Variants in TDRD3 observed in about 807,000 individuals in gnomAD.
The protein encoded by TDRD3 is tudor domain containing 3.
A neutral mutation model predicts 86.7 loss-of-function variants in TDRD3; 45 were observed. The ratio of observed to expected loss-of-function variants is 0.52; its 90% confidence interval spans 0.41 to 0.67. The LOEUF (loss-of-function observed/expected upper bound fraction) is 0.67, where lower values mean the gene tolerates loss of function less well. Ranked by LOEUF, TDRD3 falls within the 30% of genes least tolerant of loss-of-function variation. The pLI, the probability that TDRD3 is intolerant of heterozygous loss-of-function variation, is 0.00. For missense variants in TDRD3, 814 were observed against 889.0 expected (o/e 0.92, Z 1.07); for synonymous variants, 298 against 301.7 (o/e 0.99, Z 0.13).
At position 60,544,011 on chromosome 13, in the gene TDRD3, A is replaced by G. The variant is rs1255219520; in HGVS notation, c.2118+8778A>G. Among the ~76,000 whole-genome samples the G allele has an allele frequency of 4.8e-5, 7 of 146,784 alleles. No homozygotes were observed. In the South Asian group the frequency reaches 1.3e-3, roughly 27 times the overall value. ...TTACCTTATAACCTACATGAAGTTT[A>G]TATGTCCCAGCAGTGAGGTATTTTC... On this transcript the variant is annotated intron_variant, in intron 12 of 13. Coordinates refer to ENST00000377881, the MANE Select transcript of TDRD3 (RefSeq NM_001146070.2).
intron 3 of TDRD3, among the ~76,000 whole-genome samples, chr13:60,446,589 T>C (rs1664949734): frequency 6.6e-6 from 1 of 152,270 alleles, no homozygotes; most frequent in Admixed American, 6.5e-5. Flanking sequence ...GAATTAATAA[T>C]TGTCTTCACC....
At chr13:60,456,799 G>A (rs1373726585) in intron 3 of TDRD3, among the ~76,000 whole-genome samples, 1 of 152,098 alleles carries the variant, frequency 6.6e-6, no homozygotes, top group African/African-American at 2.4e-5. Flanking sequence ...AGGCTCAAGA[G>A]ATCCTGCCAT....
chr13:60,424,273 G>GACCTCGTGATCCACCCACCTCC (rs1954740615), intron 1 of TDRD3, among the ~76,000 whole-genome samples: 1 of 124,420 alleles, frequency 8.0e-6, no homozygotes, highest in Non-Finnish European at 1.7e-5. Flanking sequence ...CACCCACCTC[G>GACCTCGTGATCCACCCACCTCC]GCCTCCCAAA....
At chr13:60,477,953 GTTC>G (rs1214628423) in intron 5 of TDRD3, among the ~76,000 whole-genome samples, 1 of 152,150 alleles carries the variant, frequency 6.6e-6, no homozygotes, top group Non-Finnish European at 1.5e-5. Context: ...ATTGGTATCA[GTTC>G]TTCTTTGTAT....
rs1956423875 is a variant in TDRD3, at chr13:60,485,879, T to C, written c.648T>C (p.Pro216=). The C allele has an allele frequency of 3.7e-6, 6 of 1,611,080 alleles. No homozygotes were observed. The highest frequency in any genetic ancestry group is 5.1e-6 in the Non-Finnish European group (6 of 1,178,774). Residue 216 remains proline, a synonymous_variant, in exon 7 of 14, where the codon CCT becomes CCC. Transcript: ENST00000377881. ...KTLQVTMPVK[P]TNDNDEFEKQ... is the part of the protein sequence containing the mutation. Reference sequence around the variant, plus strand: ...TGCAAGTTACAATGCCTGTCAAACCTACAAATGATAATGATGAATTTGAAA... The same window carrying C: ...TGCAAGTTACAATGCCTGTCAAACCCACAAATGATAATGATGAATTTGAAA...
chr13:60,510,802 C>CTTTTTTTTT (rs370448567), intron 10 of TDRD3, 47 bp downstream of exon 10: 3 of 1,204,402 alleles, frequency 2.5e-6, no homozygotes, highest in Non-Finnish European at 2.1e-6. Context: ...TCTTTTCTTT[C>CTTTTTTTTT]TTTTTTTTTT....
At chr13:60,404,080 G>C (rs576411930) in intron 1 of TDRD3, among the ~76,000 whole-genome samples, 2 of 152,254 alleles carry the variant, frequency 1.3e-5, no homozygotes, top group African/African-American at 2.4e-5. Context: ...ACCCAGACTT[G>C]GGAAGGTTGG....
At chr13:60,562,934 A>G (rs902027406) in intron 12 of TDRD3, among the ~76,000 whole-genome samples, 1 of 152,224 alleles carries the variant, frequency 6.6e-6, no homozygotes, top group South Asian at 2.1e-4. Context: ...GAATGGTAAT[A>G]TAAGATAAAG....
chr13:60,518,042 T>C (rs1957211756), intron 10 of TDRD3, among the ~76,000 whole-genome samples: 1 of 152,262 alleles, frequency 6.6e-6, no homozygotes, highest in South Asian at 2.1e-4. Flanking sequence ...TCTCTGGATT[T>C]ACCTGCATTC....
chr13:60,454,763 A>G (rs1048282638), intron 3 of TDRD3, among the ~76,000 whole-genome samples: 2 of 151,932 alleles, frequency 1.3e-5, no homozygotes, highest in Admixed American at 6.6e-5. Flanking sequence ...GACATTGGGA[A>G]TGTTTCTGAA....
intron 1 of TDRD3, among the ~76,000 whole-genome samples, chr13:60,415,850 G>A (rs1296382953): frequency 2.6e-5 from 4 of 152,078 alleles, no homozygotes; most frequent in Admixed American, 6.5e-5. Context: ...AGAGATCAAG[G>A]CTCAAGCAAA....
At chr13:60,443,975 T>C (rs1955341963) in intron 2 of TDRD3, among the ~76,000 whole-genome samples, 1 of 151,950 alleles carries the variant, frequency 6.6e-6, no homozygotes, top group South Asian at 2.1e-4. Context: ...GACACAGTCG[T>C]AAAATATTCT....
chr13:60,508,131 A>C (rs1005747708), intron 8 of TDRD3, among the ~76,000 whole-genome samples: 1 of 152,222 alleles, frequency 6.6e-6, no homozygotes, highest in Non-Finnish European at 1.5e-5. Context: ...ATACAAACGA[A>C]TGGAAAAATA....
At chr13:60,412,371 C>T (rs1011287440) in intron 1 of TDRD3, among the ~76,000 whole-genome samples, 2 of 152,078 alleles carry the variant, frequency 1.3e-5, no homozygotes, top group African/African-American at 4.8e-5. Flanking sequence ...TAATATTCTT[C>T]TACTTTTTAA....
chr13:60,504,139 G>C (rs555953340), intron 8 of TDRD3, among the ~76,000 whole-genome samples: 34 of 152,060 alleles, frequency 2.2e-4, no homozygotes, highest in African/African-American at 7.7e-4. Flanking sequence ...TTACCTCTAG[G>C]TTTATCTTAT....
intron 5 of TDRD3, among the ~76,000 whole-genome samples, chr13:60,468,928 C>T (rs974225815): frequency 2.6e-5 from 4 of 152,106 alleles, no homozygotes; most frequent in African/African-American, 9.7e-5. Flanking sequence ...GTAAAGTCAG[C>T]CAAAGGCCTA....
chr13:60,562,899 G>A (rs918092501), intron 12 of TDRD3, among the ~76,000 whole-genome samples: 1 of 151,668 alleles, frequency 6.6e-6, no homozygotes, highest in African/African-American at 2.4e-5. Context: ...TCTTCACAAA[G>A]TTATGACTTG....
chr13:60,537,209 G>A (rs577267646), intron 12 of TDRD3: 2 of 152,090 alleles, frequency 1.3e-5, no homozygotes, highest in African/African-American at 2.4e-5. Context: ...TAATCAAGTG[G>A]TTGTTGACGT....
intron 1 of TDRD3, among the ~76,000 whole-genome samples, chr13:60,421,375 A>C (rs1486859818): frequency 6.6e-6 from 1 of 152,176 alleles, no homozygotes; most frequent in East Asian, 1.9e-4. Context: ...TATCACGAGA[A>C]TAGCATAGGA....
Sources: gnomAD v4.1 joint callset for allele counts (sites outside exome capture counted in the v4.1 genomes callset) on GRCh38, gnomAD v4.1.1 for gene constraint, MANE v1.5 for transcripts, NCBI Gene and HGNC (gene_info 2026-07-23, HGNC 2026-07-21) for gene names.